Variants in B3GLCT observed in about 807,000 individuals in gnomAD.
B3GLCT encodes the protein beta 3-glucosyltransferase.
A neutral mutation model predicts 63.4 loss-of-function variants in B3GLCT; 65 were observed. The observed-to-expected ratio is 1.03, with a 90% CI of 0.84 to 1.26. The LOEUF (loss-of-function observed/expected upper bound fraction) is 1.26. B3GLCT is among the 50% of genes most tolerant of loss of function. The pLI, the probability that B3GLCT is intolerant of heterozygous loss-of-function variation, is 0.00. For missense variants in B3GLCT, 577 were observed against 604.8 expected (o/e 0.95, Z 0.48); for synonymous variants, 233 against 219.2 (o/e 1.06, Z -0.55).
intron 6 of B3GLCT, among the ~76,000 whole-genome samples, chr13:31,253,934 G>T (rs1871581152): frequency 6.6e-6 from 1 of 152,114 alleles, no homozygotes; most frequent in Non-Finnish European, 1.5e-5. Context: ...AGAAAATCTA[G>T]AAAAAATGGA....
intron 12 of B3GLCT, chr13:31,311,709 T>C (rs749392692): frequency 6.6e-6 from 1 of 152,146 alleles, no homozygotes; most frequent in Non-Finnish European, 1.5e-5. Context: ...GGTCCACATG[T>C]CTTTATGTCT....
At chr13:31,295,992 C>A (rs933622837) in intron 12 of B3GLCT, among the ~76,000 whole-genome samples, 12 of 152,190 alleles carry the variant, frequency 7.9e-5, no homozygotes, top group African/African-American at 2.9e-4. Flanking sequence ...GACCGTGGGA[C>A]AAGTGTAGGA....
Position 31,247,945 on chromosome 13 carries a change from CAG to C in B3GLCT, c.440_441del (p.Arg147LysfsTer3). 1 of 1,599,404 alleles carries C rather than the reference CAG, an allele frequency of 6.3e-7. No homozygotes were observed. The highest frequency in any genetic ancestry group is 8.6e-7 in the Non-Finnish European group (1 of 1,166,860). ...AGATTCCAAAACTCTTGGAAACCCT[CAG>C]AAGATATGACCCCTCTAAGGTGAAT... Reference protein sequence around the residue: ...IQIPKLLETLRRYDPSKEWFL... With the variant: ...IQIPKLLETLXRYDPSKEWFL... On this transcript the variant is annotated frameshift_variant, in exon 6 of 15. Coordinates refer to ENST00000343307, the MANE Select transcript of B3GLCT (RefSeq NM_194318.4). LOFTEE classifies it high-confidence loss of function.
At chr13:31,316,407 T>TTTTTTATATATATATATATATATA (rs1239451482) in intron 12 of B3GLCT, among the ~76,000 whole-genome samples, 4 of 40,866 alleles carry the variant, frequency 9.8e-5, no homozygotes, top group African/African-American at 2.6e-4. Context: ...TTTGGAGGTT[T>TTTTTTATATATATATATATATATA]TATATATATA....
At chr13:31,254,135 C>A (rs1444048831) in intron 6 of B3GLCT, among the ~76,000 whole-genome samples, 3 of 152,146 alleles carry the variant, frequency 2.0e-5, no homozygotes, top group East Asian at 3.8e-4. Flanking sequence ...TGAAACTACT[C>A]CAAACAATAG....
At chr13:31,220,876 C>T (rs1869776205) in intron 2 of B3GLCT, among the ~76,000 whole-genome samples, 1 of 152,206 alleles carries the variant, frequency 6.6e-6, no homozygotes, top group Non-Finnish European at 1.5e-5. Context: ...TAGTCTAGAA[C>T]TGTAGCATTC....
Position 31,246,982 on chromosome 13 carries a change from A to G in B3GLCT, c.271-41A>G, listed in dbSNP as rs752416772. 29 of 1,108,466 alleles carry G rather than the reference A, an allele frequency of 2.6e-5. 2 individuals are homozygous for G. In the South Asian group the frequency reaches 3.6e-4, roughly 14 times the overall value. The allele number at this position is 1,108,466 out of a possible 1,614,324, so 68.7% of individuals were successfully genotyped here. Reference sequence around the variant, plus strand: ...TTTTTTTTTTACTTTTTTTCGGAGTAGTCAATTCATACTTATCTTCTTTGA... The same window carrying G: ...TTTTTTTTTTACTTTTTTTCGGAGTGGTCAATTCATACTTATCTTCTTTGA... On this transcript the variant is annotated intron_variant, in intron 4 of 14. Transcript: ENST00000343307.
At chr13:31,311,127 T>C (rs1158074827) in intron 12 of B3GLCT, among the ~76,000 whole-genome samples, 3 of 152,244 alleles carry the variant, frequency 2.0e-5, no homozygotes, top group Non-Finnish European at 4.4e-5. Context: ...TCCTGACATC[T>C]GCTCCTGAGG....
chr13:31,230,491 T>A (rs1816346039), intron 4 of B3GLCT, among the ~76,000 whole-genome samples: 1 of 152,228 alleles, frequency 6.6e-6, no homozygotes, highest in South Asian at 2.1e-4. Flanking sequence ...ATAAACAGCC[T>A]TAACAGTATT....
chr13:31,280,072 A>G (rs772383154), intron 10 of B3GLCT, among the ~76,000 whole-genome samples: 3 of 152,120 alleles, frequency 2.0e-5, no homozygotes, highest in Non-Finnish European at 2.9e-5. Flanking sequence ...TATTGTTTAA[A>G]CAATTTGTGC....
chr13:31,254,119 T>G (rs1871592452), intron 6 of B3GLCT, among the ~76,000 whole-genome samples: 1 of 152,174 alleles, frequency 6.6e-6, no homozygotes, highest in Admixed American at 6.5e-5. Context: ...CTGGTACCAT[T>G]CCTTCTGAAA....
chr13:31,313,875 G>C (rs890760014), intron 12 of B3GLCT, among the ~76,000 whole-genome samples: 1 of 152,046 alleles, frequency 6.6e-6, no homozygotes, highest in Admixed American at 6.6e-5. Context: ...GGTTTGTTTC[G>C]TGGGCTGGAC....
chr13:31,319,036 T>C (rs1875196810), intron 13 of B3GLCT, among the ~76,000 whole-genome samples: 1 of 152,200 alleles, frequency 6.6e-6, no homozygotes, highest in Admixed American at 6.5e-5. Flanking sequence ...GTTGGTTGTT[T>C]ATTCGTTCAA....
At chr13:31,224,419 A>AT (rs1869987453) in intron 3 of B3GLCT, among the ~76,000 whole-genome samples, 1 of 152,160 alleles carries the variant, frequency 6.6e-6, no homozygotes, top group Non-Finnish European at 1.5e-5. Context: ...TATTCTTGCA[A>AT]TTGCACATGG....
intron 6 of B3GLCT, 88 bp downstream of exon 6, chr13:31,248,054 T>G: frequency 1.3e-6 from 1 of 741,488 alleles, no homozygotes. Flanking sequence ...TTGAATCTAA[T>G]AAAAAACCAC....
At chr13:31,225,642 A>G (rs1054112754) in intron 3 of B3GLCT, among the ~76,000 whole-genome samples, 2 of 152,118 alleles carry the variant, frequency 1.3e-5, no homozygotes, top group Non-Finnish European at 2.9e-5. Flanking sequence ...GTCCTCGATA[A>G]TACCCCCATG....
At chr13:31,326,167 A>C (rs1875593659) in intron 14 of B3GLCT, among the ~76,000 whole-genome samples, 1 of 151,414 alleles carries the variant, frequency 6.6e-6, no homozygotes. Flanking sequence ...ATAGAAAGGC[A>C]CTTGTCTAAG....
intron 10 of B3GLCT, among the ~76,000 whole-genome samples, chr13:31,282,649 C>CAAAAA (rs11333268): frequency 1.7e-4 from 22 of 130,106 alleles, no homozygotes; most frequent in African/African-American, 6.6e-4. Flanking sequence ...GACTCTGTCT[C>CAAAAA]AAAAAAAAAA....
At chr13:31,266,068 C>CG (rs1393335249) in intron 7 of B3GLCT, among the ~76,000 whole-genome samples, 1 of 151,906 alleles carries the variant, frequency 6.6e-6, no homozygotes, top group Non-Finnish European at 1.5e-5. Flanking sequence ...GGCGCAGTCT[C>CG]GCTCACTGCA....
Sources: allele counts gnomAD v4.1 joint callset (sites outside exome capture counted in the v4.1 genomes callset), GRCh38; gene constraint gnomAD v4.1.1; transcripts MANE v1.5; gene names NCBI Gene and HGNC (gene_info 2026-07-23, HGNC 2026-07-21).